Variants in TPRG1 observed in about 807,000 individuals in gnomAD.
TPRG1 encodes the protein tumor protein p63-regulated gene 1 protein.
Under a neutral mutation model 29.3 loss-of-function variants are expected in TPRG1, and 29 were observed. That is an observed-to-expected ratio of 0.99 (90% confidence interval 0.74 to 1.35). The LOEUF is 1.35. Among genes scored for constraint, TPRG1 ranks in the 40% most tolerant of loss-of-function variants. TPRG1 has a pLI of 0.00. For missense variants in TPRG1, 327 were observed against 335.0 expected (o/e 0.98, Z 0.19); for synonymous variants, 130 against 116.8 (o/e 1.11, Z -0.73).
intron 4 of TPRG1, among the ~76,000 whole-genome samples, chr3:189,079,929 GATA>G (rs1717474491): frequency 6.6e-6 from 1 of 152,190 alleles, no homozygotes; most frequent in African/African-American, 2.4e-5. Context: ...CTGCCATCAA[GATA>G]ATAAATGCTT....
At chr3:189,120,789 T>A (rs1721738931) in intron 1 of TPRG1, among the ~76,000 whole-genome samples, 1 of 152,224 alleles carries the variant, frequency 6.6e-6, no homozygotes, top group Non-Finnish European at 1.5e-5. Flanking sequence ...GCAAACCTGG[T>A]AAACCTCGAT....
chr3:189,242,610 T>C (rs1160753643), intron 4 of TPRG1, among the ~76,000 whole-genome samples: 1 of 152,108 alleles, frequency 6.6e-6, no homozygotes, highest in Non-Finnish European at 1.5e-5. Flanking sequence ...TAGGTTTTCA[T>C]ATTTTGGCTA....
At chr3:189,289,386 CA>C (rs1468990817) in intron 4 of TPRG1, among the ~76,000 whole-genome samples, 2 of 151,462 alleles carry the variant, frequency 1.3e-5, no homozygotes, top group Non-Finnish European at 2.9e-5. Flanking sequence ...TTCCTACTGT[CA>C]TGATCTTACT....
At chr3:189,011,038 T>A (rs1433058195) in intron 3 of TPRG1, among the ~76,000 whole-genome samples, 2 of 152,172 alleles carry the variant, frequency 1.3e-5, no homozygotes, top group African/African-American at 4.8e-5. Flanking sequence ...CCCCATTGTG[T>A]GTTTCTGTCA....
intron 4 of TPRG1, among the ~76,000 whole-genome samples, chr3:189,054,778 T>G (rs2152141132): frequency 6.6e-6 from 1 of 152,162 alleles, no homozygotes; most frequent in Non-Finnish European, 1.5e-5. Flanking sequence ...AAACACTGTC[T>G]CTTAAAAAAC....
intron 4 of TPRG1, among the ~76,000 whole-genome samples, chr3:189,276,683 A>G (rs1333423076): frequency 6.6e-6 from 1 of 152,148 alleles, no homozygotes; most frequent in Non-Finnish European, 1.5e-5. Flanking sequence ...TAAAAACAAG[A>G]CATTGTTAAC....
intron 1 of TPRG1, among the ~76,000 whole-genome samples, chr3:189,115,792 A>G (rs1265080874): frequency 6.6e-6 from 1 of 152,166 alleles, no homozygotes; most frequent in Non-Finnish European, 1.5e-5. Context: ...CCAAGGAGAG[A>G]AATACGAAGG....
intron 4 of TPRG1, among the ~76,000 whole-genome samples, chr3:189,046,305 G>A (rs1022415116): frequency 5.9e-5 from 9 of 152,154 alleles, no homozygotes; most frequent in Non-Finnish European, 8.8e-5. Flanking sequence ...CTCCACTTAG[G>A]CACTGAGGTA....
chr3:189,202,302 C>G lies in TPRG1; in HGVS notation c.-9-5074C>G, dbSNP rs541043120. Among the ~76,000 whole-genome samples, 7 of 152,250 alleles carry G rather than the reference C, an allele frequency of 4.6e-5. 1 individual carries two copies. Among genetic ancestry groups the G allele is most frequent in the Admixed American group, 2.6e-4 (4 of 15,298 alleles). ...TGATGAAGAGACTGGAGAGCTACCC[C>G]CCTCAGACCGGGGGTAGGCTAGCTC... On this transcript the variant is annotated intron_variant, in intron 1 of 5. Transcript: ENST00000345063.
At chr3:189,116,475 C>T (rs1371626229) in intron 1 of TPRG1, among the ~76,000 whole-genome samples, 1 of 152,164 alleles carries the variant, frequency 6.6e-6, no homozygotes, top group East Asian at 1.9e-4. Flanking sequence ...CCGCGCCCAG[C>T]TCGAAGAGAT....
chr3:189,259,262 A>G (rs1579077011), intron 4 of TPRG1, among the ~76,000 whole-genome samples: 3 of 150,962 alleles, frequency 2.0e-5, no homozygotes, highest in Non-Finnish European at 4.4e-5. Context: ...GAGTTCCCTG[A>G]CCCCTTGGGC....
upstream of TPRG1, among the ~76,000 whole-genome samples, chr3:189,169,644 C>G (rs1578643652): frequency 6.6e-6 from 1 of 152,214 alleles, no homozygotes; most frequent in East Asian, 1.9e-4. Context: ...GAAGTGAATT[C>G]TTATATATAG....
intron 4 of TPRG1, among the ~76,000 whole-genome samples, chr3:189,069,881 C>T (rs1163169992): frequency 1.3e-5 from 2 of 152,126 alleles, no homozygotes; most frequent in Non-Finnish European, 2.9e-5. Flanking sequence ...AGATCGAGAC[C>T]ATCCTGGCCA....
chr3:189,254,386 G>T (rs1742737722), intron 4 of TPRG1, among the ~76,000 whole-genome samples: 1 of 152,152 alleles, frequency 6.6e-6, no homozygotes, highest in Non-Finnish European at 1.5e-5. Context: ...CTATATATTT[G>T]TTTTGGTACC....
intron 4 of TPRG1, among the ~76,000 whole-genome samples, chr3:189,030,299 A>G (rs921105624): frequency 1.3e-5 from 2 of 152,226 alleles, no homozygotes; most frequent in African/African-American, 4.8e-5. Flanking sequence ...TTAGCAAAAG[A>G]TATAAACAAA....
At chr3:189,073,493 A>G (rs536773333) in intron 4 of TPRG1, among the ~76,000 whole-genome samples, 34 of 152,302 alleles carry the variant, frequency 2.2e-4, no homozygotes, top group Admixed American at 9.8e-4. Context: ...AGTTATTTGA[A>G]TAGGTATCTT....
intron 3 of TPRG1, among the ~76,000 whole-genome samples, chr3:189,237,764 G>A (rs1739763057): frequency 6.6e-6 from 1 of 152,154 alleles, no homozygotes; most frequent in South Asian, 2.1e-4. Context: ...GGTGAGAATG[G>A]GGTGTCCATG....
At chr3:189,125,353 G>A (rs2108515320) in intron 1 of TPRG1, among the ~76,000 whole-genome samples, 1 of 152,122 alleles carries the variant, frequency 6.6e-6, no homozygotes, top group South Asian at 2.1e-4. Context: ...TTGTTTTTGA[G>A]GATCAAAAGA....
chr3:189,166,511 G>A (rs1053858765), intron 5 of TPRG1, among the ~76,000 whole-genome samples: 3 of 152,180 alleles, frequency 2.0e-5, no homozygotes. Flanking sequence ...TTGCATAAGG[G>A]TATACTTGAC....
Sources: gnomAD v4.1 joint callset for allele counts (sites outside exome capture counted in the v4.1 genomes callset) on GRCh38, gnomAD v4.1.1 for gene constraint, MANE v1.5 for transcripts, NCBI Gene and HGNC (gene_info 2026-07-23, HGNC 2026-07-21) for gene names.